STPG2: variants seen among roughly 807,000 people sequenced by gnomAD.
STPG2 encodes sperm-tail PG-rich repeat-containing protein 2.
A neutral mutation model predicts 54.2 loss-of-function variants in STPG2; 56 were observed. That is an observed-to-expected ratio of 1.03 (90% CI 0.83 to 1.29). The LOEUF (loss-of-function observed/expected upper bound fraction) is 1.29. Ranked by LOEUF, STPG2 falls within the 50% of genes most tolerant of loss-of-function variation. The probability of loss-of-function intolerance (pLI) is 0.00; values close to 1 mark genes in which losing one functional copy is unlikely to be tolerated. For synonymous variants in STPG2, 200 were observed against 181.8 expected (o/e 1.10, Z -0.81); for missense variants, 596 against 544.9 (o/e 1.09, Z -0.93).
chr4:97,738,330 T>C (rs569926667), intron 9 of STPG2, among the ~76,000 whole-genome samples: 14 of 151,996 alleles, frequency 9.2e-5, no homozygotes, highest in South Asian at 2.1e-4. Flanking sequence ...CAGCTAACAT[T>C]AAAATGACAG....
intron 5 of STPG2, among the ~76,000 whole-genome samples, chr4:97,992,600 T>A (rs961023093): frequency 1.3e-5 from 2 of 152,172 alleles, no homozygotes; most frequent in Non-Finnish European, 2.9e-5. Context: ...TGGTTCCGTA[T>A]GAATTTTAGG....
intron 4 of STPG2, among the ~76,000 whole-genome samples, chr4:97,459,430 G>GTT (rs1169250681): frequency 2.0e-4 from 27 of 134,882 alleles, no homozygotes; most frequent in South Asian, 7.3e-4. Context: ...AAGGATGCCT[G>GTT]TTTTTTTTTG....
intron 8 of STPG2, among the ~76,000 whole-genome samples, chr4:97,844,227 T>C (rs1261414708): frequency 6.6e-6 from 1 of 151,848 alleles, no homozygotes; most frequent in East Asian, 1.9e-4. Flanking sequence ...CTTCAAAAAC[T>C]TTGGTTACAA....
intron 5 of STPG2, among the ~76,000 whole-genome samples, chr4:98,018,534 G>T (rs893848422): frequency 6.6e-6 from 1 of 152,192 alleles, no homozygotes; most frequent in Admixed American, 6.5e-5. Flanking sequence ...TACATACCCA[G>T]TAATGGGATG....
At chr4:97,853,230 T>G (rs1297786053) in intron 8 of STPG2, among the ~76,000 whole-genome samples, 1 of 152,000 alleles carries the variant, frequency 6.6e-6, no homozygotes, top group Non-Finnish European at 1.5e-5. Flanking sequence ...CCTCCCAAAG[T>G]GCTGGGATTA....
At chr4:97,486,156 A>G (rs904437406) in intron 4 of STPG2, among the ~76,000 whole-genome samples, 1 of 151,924 alleles carries the variant, frequency 6.6e-6, no homozygotes, top group African/African-American at 2.4e-5. Flanking sequence ...AATGCAATAG[A>G]AAAAGAGTAA....
At chr4:98,142,208 C>T (rs897705770) in intron 1 of STPG2, among the ~76,000 whole-genome samples, 6 of 152,130 alleles carry the variant, frequency 3.9e-5, no homozygotes, top group Non-Finnish European at 5.9e-5. Flanking sequence ...AATTTGTACT[C>T]CACCCCAAGA....
At chr4:97,738,260 C>A (rs532415358) in intron 9 of STPG2, among the ~76,000 whole-genome samples, 2 of 152,090 alleles carry the variant, frequency 1.3e-5, no homozygotes, top group Non-Finnish European at 2.9e-5. Flanking sequence ...CAAAATCATG[C>A]CAAATTGTAA....
chr4:98,037,125 T>A (rs1051777978), intron 5 of STPG2, among the ~76,000 whole-genome samples: 1 of 151,846 alleles, frequency 6.6e-6, no homozygotes, highest in African/African-American at 2.4e-5. Flanking sequence ...AGGAAGAAAA[T>A]TTCCCTATTT....
chr4:97,933,457 T>C (rs1255013939), intron 8 of STPG2, among the ~76,000 whole-genome samples: 1 of 152,178 alleles, frequency 6.6e-6, no homozygotes, highest in Non-Finnish European at 1.5e-5. Context: ...GTCCAGAATG[T>C]TATTGCCTAG....
intron 6 of STPG2, among the ~76,000 whole-genome samples, chr4:97,973,757 T>C (rs1084779): frequency 0.9 from 134,549 of 150,276 alleles, 59,862 homozygotes; most frequent in African/African-American, 0.98. Context: ...CAGGCCGTGG[T>C]TTCAGAGGGT....
At chr4:98,026,373 A>G in intron 5 of STPG2, 1 of 436,824 alleles carries the variant, frequency 2.3e-6, no homozygotes, top group Non-Finnish European at 4.1e-6. Flanking sequence ...CTCTGCCTCG[A>G]CATTTATCCT....
At chr4:98,021,649 T>C (rs1426378713) in intron 5 of STPG2, among the ~76,000 whole-genome samples, 1 of 151,912 alleles carries the variant, frequency 6.6e-6, no homozygotes, top group Non-Finnish European at 1.5e-5. Context: ...TGTGTGGGAG[T>C]CTAAGTCTCT....
At chr4:97,947,898 T>A (rs569755862) in intron 7 of STPG2, among the ~76,000 whole-genome samples, 1 of 152,220 alleles carries the variant, frequency 6.6e-6, no homozygotes, top group Non-Finnish European at 1.5e-5. Flanking sequence ...GGTTCTGGTA[T>A]CAGGGTAACA....
intron 9 of STPG2, among the ~76,000 whole-genome samples, chr4:97,840,395 C>T (rs1356573334): frequency 2.0e-5 from 3 of 151,446 alleles, no homozygotes; most frequent in African/African-American, 7.3e-5. Context: ...CCCCCAAAAT[C>T]TTCTTACGTT....
intron 8 of STPG2, among the ~76,000 whole-genome samples, chr4:97,918,527 T>A (rs2149206843): frequency 6.6e-6 from 1 of 152,110 alleles, no homozygotes; most frequent in Middle Eastern, 3.4e-3. Flanking sequence ...AATAAAAAAC[T>A]AGTTTTTTAA....
chr4:97,845,740 A>T (rs1560551374), intron 8 of STPG2, among the ~76,000 whole-genome samples: 2 of 152,202 alleles, frequency 1.3e-5, no homozygotes, highest in Admixed American at 6.5e-5. Flanking sequence ...GTAAAATTTT[A>T]AAATTATTGT....
At chr4:97,713,835 A>C (rs1016129239) in intron 9 of STPG2, among the ~76,000 whole-genome samples, 17 of 152,136 alleles carry the variant, frequency 1.1e-4, no homozygotes, top group African/African-American at 4.1e-4. Flanking sequence ...AGATAGGGAG[A>C]CGTAATTTTT....
chr4:97,629,274 AAGGT>A (rs1721171620), intron 10 of STPG2, among the ~76,000 whole-genome samples: 1 of 152,066 alleles, frequency 6.6e-6, no homozygotes, highest in Admixed American at 6.6e-5. Context: ...CTACTTTATG[AAGGT>A]AGTATTAGTA....
Sources: allele counts gnomAD v4.1 joint callset (sites outside exome capture counted in the v4.1 genomes callset), GRCh38; gene constraint gnomAD v4.1.1; transcripts MANE v1.5; gene names NCBI Gene and HGNC (gene_info 2026-07-23, HGNC 2026-07-21).